LPIN1: variants seen among roughly 807,000 people sequenced by gnomAD.
LPIN1 encodes the protein phosphatidate phosphatase LPIN1.
LPIN1 carries 71 observed loss-of-function variants against 107.5 expected under a neutral mutation model. That is an observed-to-expected ratio of 0.66 (90% CI 0.55 to 0.80). The LOEUF is 0.80. Among genes scored for constraint, LPIN1 ranks in the 30% least tolerant of loss-of-function variants. The pLI is 0.00. For synonymous variants in LPIN1, 445 were observed against 452.6 expected, an observed-to-expected ratio of 0.98 and a Z score of 0.21; for missense variants, 1,043 against 1,160.6, an observed-to-expected ratio of 0.90 and a Z score of 1.47.
intron 17 of LPIN1, among the ~76,000 whole-genome samples, chr2:11,810,371 G>T (rs1387584397): frequency 2.0e-5 from 3 of 150,130 alleles, no homozygotes; most frequent in Non-Finnish European, 4.5e-5. Context: ...CTCACCACAG[G>T]TGGAAGTAGG....
rs1325313366 is a variant in LPIN1 at position 11,819,602 on chromosome 2, A to AGG, written c.2517+5_2517+6insGG. Reference sequence around the variant, plus strand: ...TGCTTTTGGAAACCGACCAGCTGTAAGTAGTAGATTGGGTATAGAAGAACC... The same window carrying AGG: ...TGCTTTTGGAAACCGACCAGCTGTAAGGGTAGTAGATTGGGTATAGAAGAACC... On this transcript the variant is annotated splice_donor_region_variant and intron_variant, in intron 19 of 20. Transcript: ENST00000674199. 4.4e-6 allele frequency: 7 copies of AGG among 1,604,818 alleles called. No homozygotes were observed. Among genetic ancestry groups the AGG allele is most frequent in the Non-Finnish European group, 5.1e-6 (6 of 1,171,580 alleles).
intron 1 of LPIN1, among the ~76,000 whole-genome samples, chr2:11,698,657 C>G (rs528917055): frequency 4.6e-5 from 7 of 152,226 alleles, no homozygotes; most frequent in Non-Finnish European, 8.8e-5. Context: ...TATCAGGACT[C>G]CCGCTGCTGG....
At chr2:11,807,859 G>A (rs1678982198) in intron 17 of LPIN1, among the ~76,000 whole-genome samples, 1 of 152,160 alleles carries the variant, frequency 6.6e-6, no homozygotes, top group Non-Finnish European at 1.5e-5. Context: ...TGTAGGAGGA[G>A]GTGCCAGCTC....
chr2:11,812,248 G>A (rs1373154083), intron 17 of LPIN1, among the ~76,000 whole-genome samples: 1 of 151,782 alleles, frequency 6.6e-6, no homozygotes, highest in Non-Finnish European at 1.5e-5. Flanking sequence ...TACATGCCAA[G>A]CACTGTTTTT....
chr2:11,719,791 C>CTTTTTTT (rs67142448), upstream of LPIN1, among the ~76,000 whole-genome samples: 2 of 132,806 alleles, frequency 1.5e-5, no homozygotes, highest in Non-Finnish European at 3.1e-5. Flanking sequence ...CCAATTGCTT[C>CTTTTTTT]TTTTTTTTTT....
chr2:11,736,770 T>C (rs1456985261), intron 1 of LPIN1, among the ~76,000 whole-genome samples: 3 of 152,254 alleles, frequency 2.0e-5, no homozygotes, highest in African/African-American at 7.2e-5. Flanking sequence ...CCATCTCATC[T>C]ATTCTCTTAG....
intron 2 of LPIN1, among the ~76,000 whole-genome samples, chr2:11,715,191 G>A (rs144875965): frequency 3.3e-5 from 5 of 152,282 alleles, no homozygotes; most frequent in African/African-American, 7.2e-5. Flanking sequence ...AGGCGGCCTC[G>A]GGCAGCTTCC....
chr2:11,788,443 A>G lies in LPIN1; in HGVS notation c.1700A>G (p.Lys567Arg), dbSNP rs1675058224. Residue 567 changes from lysine to arginine, a missense_variant, in exon 12 of 21, where the codon AAA becomes AGA. Transcript: ENST00000674199. ...PLLLAMQAFQKPLPKATVESI... is the reference protein window; with the variant it reads ...PLLLAMQAFQRPLPKATVESI... ...CTCCTGGCAATGCAGGCCTTCCAGAAACCTTTGCCAAAGGTGAGCTTTAAC... is the reference window on the plus strand; with the variant it reads ...CTCCTGGCAATGCAGGCCTTCCAGAGACCTTTGCCAAAGGTGAGCTTTAAC... 6.2e-7 allele frequency: 1 copy of G among 1,613,652 alleles called. No homozygotes were observed. Among genetic ancestry groups the G allele is most frequent in the Non-Finnish European group, 8.5e-7 (1 of 1,179,652 alleles).
chr2:11,787,196 A>G (rs1674742872), intron 11 of LPIN1, 29 bp downstream of exon 11: 2 of 1,418,548 alleles, frequency 1.4e-6, no homozygotes, highest in South Asian at 2.3e-5. Context: ...TCACTTTGGC[A>G]GTAGCATGAT....
At chr2:11,735,775 AATG>A (rs1665736652) in intron 1 of LPIN1, among the ~76,000 whole-genome samples, 1 of 152,200 alleles carries the variant, frequency 6.6e-6, no homozygotes, top group South Asian at 2.1e-4. Context: ...CTTCCCATGA[AATG>A]ATATGATTTG....
intron 16 of LPIN1, 64 bp from the exon 17 acceptor site, chr2:11,805,006 A>G (rs1183028760): frequency 9.5e-6 from 9 of 947,894 alleles, no homozygotes; most frequent in African/African-American, 1.6e-5. Context: ...TTTATGAGGC[A>G]TGAATGGTGC....
chr2:11,782,353 C>T lies in LPIN1; in HGVS notation c.1110C>T (p.Asn370=), dbSNP rs774861372. The T allele has an allele frequency of 1.9e-6, 3 of 1,614,214 alleles. No homozygotes were observed. The East Asian group carries it at 6.7e-5, about 36-fold the overall frequency. The part of the protein sequence containing the change: ...TLVGGALLDQ[N]KPQTEMQFVN... ...TCGGTGGGGCACTTTTGGACCAGAA[C>T]AAGCCTCAGACAGAAATGCAGTTTG... is the stretch of plus-strand genomic sequence containing the variant. The change falls in exon 8 of 21, where the codon AAC becomes AAT. Residue 370 remains asparagine (N), a synonymous_variant. Transcript: ENST00000674199.
chr2:11,743,827 C>T (rs538895666), upstream of LPIN1, among the ~76,000 whole-genome samples: 109 of 152,294 alleles, frequency 7.2e-4, 1 homozygote, highest in South Asian at 0.02. This position sits in a 1 kb window ranked among gnomAD's most constrained non-coding sequence, Gnocchi z 4.7. Flanking sequence ...TTCCCGCCTA[C>T]CTTGCCCCAG....
At chr2:11,810,761 C>T (rs922296086) in intron 17 of LPIN1, among the ~76,000 whole-genome samples, 5 of 152,140 alleles carry the variant, frequency 3.3e-5, no homozygotes, top group South Asian at 4.1e-4. Flanking sequence ...GTGGGGGCCT[C>T]GGTCCCCAAC....
chr2:11,726,590 C>T (rs551504370), intron 1 of LPIN1, among the ~76,000 whole-genome samples: 2 of 152,294 alleles, frequency 1.3e-5, no homozygotes, highest in South Asian at 4.1e-4. Context: ...CCCCAGCACC[C>T]TCTCAGCCCT....
chr2:11,683,579 A>G (rs1661840483), intron 1 of LPIN1, among the ~76,000 whole-genome samples: 1 of 152,002 alleles, frequency 6.6e-6, no homozygotes. Flanking sequence ...GATGGCTTTT[A>G]CTCTGGGAAG....
chr2:11,782,943 T>C (rs1673821478), intron 8 of LPIN1, among the ~76,000 whole-genome samples: 2 of 152,244 alleles, frequency 1.3e-5, no homozygotes, highest in Admixed American at 6.5e-5. Flanking sequence ...TATTGATTTA[T>C]TTTTGCCTGA....
At chr2:11,808,819 C>G (rs889133861) in intron 17 of LPIN1, among the ~76,000 whole-genome samples, 1 of 148,520 alleles carries the variant, frequency 6.7e-6, no homozygotes, top group African/African-American at 2.5e-5. Context: ...TGCAGTGAGC[C>G]GAGATCGCAC....
chr2:11,721,213 G>A (rs1358872136), upstream of LPIN1, among the ~76,000 whole-genome samples: 1 of 151,814 alleles, frequency 6.6e-6, no homozygotes, highest in Non-Finnish European at 1.5e-5. Context: ...GATGAATAGA[G>A]ATGCGCTGGG....
Sources: gnomAD v4.1 joint callset for allele counts (sites outside exome capture counted in the v4.1 genomes callset) on GRCh38, gnomAD v4.1.1 for gene constraint, Gnocchi (gnomAD v3.1) non-coding constraint, MANE v1.5 for transcripts, NCBI Gene and HGNC (gene_info 2026-07-23, HGNC 2026-07-21) for gene names.